The following TBCD variants were observed in gnomAD, a reference collection of about 807,000 sequenced individuals.
TBCD encodes the protein tubulin folding cofactor D, also known as tubulin-specific chaperone D.
Under a neutral mutation model 169.3 loss-of-function variants are expected in TBCD, and 105 were observed. The ratio of observed to expected loss-of-function variants is 0.62; its 90% CI spans 0.53 to 0.73. The LOEUF is 0.73. TBCD is among the 30% of genes least tolerant of loss of function. The probability of loss-of-function intolerance (pLI) is 0.00; values close to 1 mark genes in which losing one functional copy is unlikely to be tolerated. For missense variants in TBCD, 1,444 were observed against 1,600.1 expected (o/e 0.90, Z 1.66); for synonymous variants, 700 against 643.9 (o/e 1.09, Z -1.32).
intron 14 of TBCD, among the ~76,000 whole-genome samples, chr17:82,877,360 T>C (rs190814713): frequency 0.013 from 1,972 of 152,284 alleles, 56 homozygotes; most frequent in African/African-American, 0.045. Flanking sequence ...TTTTTTTTTT[T>C]CTTGAGACGG....
chr17:82,801,042 A>C, intron 9 of TBCD, 46 bp downstream of exon 9: 3 of 561,932 alleles, frequency 5.3e-6, no homozygotes, highest in Non-Finnish European at 4.9e-6. Flanking sequence ...CGGGGTGGGG[A>C]GGGGTTGCTG....
intron 7 of TBCD, among the ~76,000 whole-genome samples, chr17:82,794,415 C>T (rs1031236816): frequency 6.6e-6 from 1 of 152,244 alleles, no homozygotes; most frequent in Non-Finnish European, 1.5e-5. Flanking sequence ...AGTCATTCCT[C>T]ATTTACCATG....
At chr17:82,759,787 T>C (rs1598383231) in intron 2 of TBCD, among the ~76,000 whole-genome samples, 1 of 152,230 alleles carries the variant, frequency 6.6e-6, no homozygotes, top group East Asian at 1.9e-4. Flanking sequence ...ATTTTAAATC[T>C]ATATTAAATA....
chr17:82,829,440 A>G (rs1177587959), intron 13 of TBCD: 1 of 154,282 alleles, frequency 6.5e-6, no homozygotes. Context: ...ATTCTAAAGG[A>G]TAACATAGAT....
chr17:82,779,702 AG>A (rs1367000616), intron 6 of TBCD, among the ~76,000 whole-genome samples: 1 of 152,192 alleles, frequency 6.6e-6, no homozygotes, highest in Non-Finnish European at 1.5e-5. Context: ...CAGGCCAACT[AG>A]ATGGATGTGC....
chr17:82,808,215 G>A (rs1384602423), intron 11 of TBCD, among the ~76,000 whole-genome samples: 4 of 152,156 alleles, frequency 2.6e-5, no homozygotes, highest in Admixed American at 1.3e-4. Context: ...CTGTGGGCTC[G>A]GGCTGTGCAG....
In TBCD at chr17:82,916,135, C is replaced by T. The variant is rs112628094; in HGVS notation, c.2038+4346C>T. 1.2e-3 allele frequency among the ~76,000 whole-genome samples: 190 copies of T among 152,220 alleles called. 1 individual carries two copies. The highest frequency in any genetic ancestry group is 4.4e-3 in the African/African-American group (182 of 41,574). ...TCTTGTTCTGTCCTGCATTTCTCAC[C>T]TTCTAAGAGGACCATTTTCTCTTTG... On this transcript the variant is annotated intron_variant, in intron 23 of 38. Transcript: ENST00000355528.
chr17:82,767,023 G>A (rs118100209), intron 4 of TBCD, among the ~76,000 whole-genome samples: 4,892 of 152,348 alleles, frequency 0.032, 127 homozygotes, highest in Non-Finnish European at 0.048. Context: ...CAGGAAAGCA[G>A]GTGCCAGCGT....
intron 13 of TBCD, 58 bp from the exon 14 acceptor site, chr17:82,870,166 C>T (rs976338779): frequency 4.4e-6 from 7 of 1,606,154 alleles, no homozygotes; most frequent in South Asian, 1.1e-5. Context: ...TTCTCTGAAG[C>T]CTCACGTGTT....
At chr17:82,933,128 A>G (rs1196241604) in intron 34 of TBCD, among the ~76,000 whole-genome samples, 2 of 152,104 alleles carry the variant, frequency 1.3e-5, no homozygotes, top group Non-Finnish European at 2.9e-5. Context: ...TGACCTGGCG[A>G]GGACTTGCCC....
At chr17:82,896,421 T>TAGATGCCCAG (rs1044155398) in intron 17 of TBCD, among the ~76,000 whole-genome samples, 2 of 150,864 alleles carry the variant, frequency 1.3e-5, no homozygotes, top group African/African-American at 4.9e-5. Context: ...TTCTCTGGCA[T>TAGATGCCCAG]AGATGCCCAG....
intron 27 of TBCD, among the ~76,000 whole-genome samples, 172 bp from the exon 28 acceptor site, chr17:82,926,228 G>T (rs560045413): frequency 4.0e-5 from 6 of 150,296 alleles, no homozygotes; most frequent in African/African-American, 1.5e-4. Flanking sequence ...CTCTCCCCGG[G>T]TGTCCTTCCT....
chr17:82,917,019 C>CTTTTTTTTTTTTTTTTTTTTTTT (rs59331670), intron 23 of TBCD, among the ~76,000 whole-genome samples: 2 of 108,518 alleles, frequency 1.8e-5, no homozygotes, highest in Non-Finnish European at 3.6e-5. Context: ...TTTTTCTTTT[C>CTTTTTTTTTTTTTTTTTTTTTTT]TTTTCTTTTT....
intron 7 of TBCD, among the ~76,000 whole-genome samples, chr17:82,784,224 T>A (rs1275397083): frequency 4.6e-5 from 7 of 152,224 alleles, no homozygotes; most frequent in Non-Finnish European, 8.8e-5. Flanking sequence ...TTGGAATGTT[T>A]TCATCTTTCT....
intron 13 of TBCD, among the ~76,000 whole-genome samples, chr17:82,828,533 AC>A (rs1214203802): frequency 2.6e-5 from 2 of 75,564 alleles, no homozygotes; most frequent in Non-Finnish European, 5.0e-5. Context: ...ACACGTGCAC[AC>A]CGGCACAATG....
chr17:82,775,836 A>G (rs2048563304), intron 6 of TBCD, among the ~76,000 whole-genome samples: 1 of 151,964 alleles, frequency 6.6e-6, no homozygotes, highest in South Asian at 2.1e-4. Context: ...GCACATGTAT[A>G]CGTATGTAAC....
chr17:82,756,443 C>T (rs2047405708), intron 2 of TBCD, among the ~76,000 whole-genome samples: 1 of 152,094 alleles, frequency 6.6e-6, no homozygotes, highest in African/African-American at 2.4e-5. Flanking sequence ...TTCCTTTCTG[C>T]TAAGGAAACA....
At chr17:82,907,952 G>T in intron 21 of TBCD, 131 bp downstream of exon 21, 1 of 914,786 alleles carries the variant, frequency 1.1e-6, no homozygotes, top group Non-Finnish European at 1.7e-6. Context: ...GGGCTCAGTG[G>T]GGGACCTGCG....
intron 13 of TBCD, among the ~76,000 whole-genome samples, chr17:82,853,331 C>T (rs978047957): frequency 2.0e-5 from 3 of 152,050 alleles, no homozygotes; most frequent in African/African-American, 7.2e-5. Flanking sequence ...CTTAAGCAGT[C>T]CACCTGTCTC....
Sources: allele counts gnomAD v4.1 joint callset (sites outside exome capture counted in the v4.1 genomes callset), GRCh38; gene constraint gnomAD v4.1.1; transcripts MANE v1.5; gene names NCBI Gene and HGNC (gene_info 2026-07-23, HGNC 2026-07-21).